The following TENM2 variants were observed in gnomAD, a reference collection of about 807,000 sequenced individuals.
TENM2 encodes teneurin-2.
In TENM2, 52 loss-of-function variants were observed where a neutral mutation model predicts 245.2. The ratio of observed to expected loss-of-function variants is 0.21; its 90% CI spans 0.17 to 0.27. TENM2 has a LOEUF of 0.27. Ranked by LOEUF, TENM2 falls within the 10% of genes least tolerant of loss-of-function variation. The pLI, the probability that TENM2 is intolerant of heterozygous loss-of-function variation, is 1.00. For synonymous variants in TENM2, 1,363 were observed against 1,438.9 expected (o/e 0.95, Z 1.19); for missense variants, 3,046 against 3,666.8 (o/e 0.83, Z 4.37).
At position 167,662,092 on chromosome 5, in the gene TENM2, C is replaced by T. The variant is rs532539567; in HGVS notation, c.503-213894C>T. 6.6e-5 allele frequency among the ~76,000 whole-genome samples: 10 copies of T among 152,148 alleles called. No homozygotes were observed. The South Asian group carries it at 1.2e-3, about 19-fold the overall frequency. ...TATAGAGTGGGGTGGGGTGGTTTTCCGCAAAGGAAATTAAGGTGCAGCCAC... is the reference window on the plus strand; with the variant it reads ...TATAGAGTGGGGTGGGGTGGTTTTCTGCAAAGGAAATTAAGGTGCAGCCAC... On this transcript the variant is annotated intron_variant, in intron 2 of 28. Transcript: ENST00000518659.
chr5:167,428,386 G>A (rs1764008489), intron 2 of TENM2, among the ~76,000 whole-genome samples: 1 of 152,082 alleles, frequency 6.6e-6, no homozygotes, highest in Non-Finnish European at 1.5e-5. Context: ...AATTCTTAAA[G>A]ACTGCTATTG....
At chr5:167,232,871 G>A in the TENM2 span, among the ~76,000 whole-genome samples, 1 of 152,158 alleles carries the variant, frequency 6.6e-6, no homozygotes, top group Non-Finnish European at 1.5e-5. Flanking sequence ...ATTGAATAAC[G>A]GCTGTCCTTT....
At chr5:167,224,146 C>G in the TENM2 span, among the ~76,000 whole-genome samples, 1 of 152,032 alleles carries the variant, frequency 6.6e-6, no homozygotes, top group Non-Finnish European at 1.5e-5. Flanking sequence ...AAGGTTACCT[C>G]TTCACTCTGT....
chr5:167,381,585 T>A (rs1341311947), intron 2 of TENM2, among the ~76,000 whole-genome samples: 1 of 152,174 alleles, frequency 6.6e-6, no homozygotes, highest in African/African-American at 2.4e-5. Context: ...TCACACTGGT[T>A]CAGGTTTTGG....
chr5:167,334,561 A>G (rs1388870172), intron 1 of TENM2, among the ~76,000 whole-genome samples: 2 of 151,990 alleles, frequency 1.3e-5, no homozygotes, highest in Admixed American at 1.3e-4. Context: ...TCAATAGTGC[A>G]TTTTCTCTTT....
At chr5:167,156,390 T>G in the TENM2 span, among the ~76,000 whole-genome samples, 1 of 152,210 alleles carries the variant, frequency 6.6e-6, no homozygotes, top group Non-Finnish European at 1.5e-5. Context: ...TGTAGTGCTA[T>G]CACCTTAACC....
chr5:167,606,001 T>C (rs1777017194), intron 2 of TENM2, among the ~76,000 whole-genome samples: 3 of 152,168 alleles, frequency 2.0e-5, no homozygotes, highest in African/African-American at 4.8e-5. Flanking sequence ...CTAATTCTAA[T>C]CAGATATCTC....
At chr5:167,012,085 G>T in the TENM2 span, among the ~76,000 whole-genome samples, 1 of 152,120 alleles carries the variant, frequency 6.6e-6, no homozygotes, top group East Asian at 1.9e-4. Flanking sequence ...GAATTTGGCT[G>T]ACAGAACCTT....
At chr5:167,226,006 T>G in the TENM2 span, among the ~76,000 whole-genome samples, 2 of 151,978 alleles carry the variant, frequency 1.3e-5, no homozygotes, top group Non-Finnish European at 2.9e-5. Context: ...GTATCAGTTG[T>G]AATGCATCCT....
At chr5:167,355,421 T>C (rs1171166733) in intron 1 of TENM2, among the ~76,000 whole-genome samples, 3 of 152,198 alleles carry the variant, frequency 2.0e-5, no homozygotes. Flanking sequence ...TTGGAGCCAA[T>C]TCTGAGAGAG....
chr5:166,995,999 C>G, the TENM2 span, among the ~76,000 whole-genome samples: 1 of 151,604 alleles, frequency 6.6e-6, no homozygotes, highest in African/African-American at 2.4e-5. Flanking sequence ...TTTTATGATT[C>G]ATATTAATTA....
At chr5:167,787,995 T>A (rs1764698640) in intron 2 of TENM2, among the ~76,000 whole-genome samples, 1 of 152,234 alleles carries the variant, frequency 6.6e-6, no homozygotes, top group Non-Finnish European at 1.5e-5. Context: ...ATAACAGCTA[T>A]TAAGTTTTTG....
the TENM2 span, among the ~76,000 whole-genome samples, chr5:167,133,617 G>GAAAA: frequency 2.7e-4 from 18 of 67,540 alleles, 1 homozygote; most frequent in African/African-American, 5.2e-4. Context: ...ACTCAAACTT[G>GAAAA]GAAAAAAAAA....
chr5:167,256,376 T>C, the TENM2 span, among the ~76,000 whole-genome samples: 1 of 152,116 alleles, frequency 6.6e-6, no homozygotes, highest in Non-Finnish European at 1.5e-5. Context: ...AACCAGGCTT[T>C]GTCGTGAATC....
At chr5:167,872,542 AAG>A (rs756292177) in intron 2 of TENM2, among the ~76,000 whole-genome samples, 12 of 48,144 alleles carry the variant, frequency 2.5e-4, no homozygotes, top group African/African-American at 6.0e-4. Flanking sequence ...GAAAGAAAGA[AAG>A]AAAGAGAAAG....
chr5:167,011,438 G>A, the TENM2 span, among the ~76,000 whole-genome samples: 2 of 152,178 alleles, frequency 1.3e-5, no homozygotes, highest in East Asian at 3.8e-4. Flanking sequence ...GCATGGACAG[G>A]CACAGAGTTT....
chr5:167,755,253 G>A, intron 2 of TENM2: 7 of 1,254,754 alleles, frequency 5.6e-6, no homozygotes, highest in Non-Finnish European at 8.0e-6. Flanking sequence ...CACTGACAGG[G>A]TAGTTGGAGT....
intron 2 of TENM2, among the ~76,000 whole-genome samples, chr5:167,391,455 G>A (rs150586695): frequency 0.011 from 1,671 of 151,724 alleles, 23 homozygotes; most frequent in South Asian, 0.022. Flanking sequence ...GTGAAACACC[G>A]TCTCTACTAA....
At chr5:167,416,522 CT>C in intron 2 of TENM2, among the ~76,000 whole-genome samples, 1 of 152,282 alleles carries the variant, frequency 6.6e-6, no homozygotes. Context: ...GATAAACGGA[CT>C]GTCAGGTGCC....
Sources: gnomAD v4.1 joint callset for allele counts (sites outside exome capture counted in the v4.1 genomes callset) on GRCh38, gnomAD v4.1.1 for gene constraint, MANE v1.5 for transcripts, NCBI Gene and HGNC (gene_info 2026-07-23, HGNC 2026-07-21) for gene names.